KIFAP3: variants seen among roughly 807,000 people sequenced by gnomAD.
KIFAP3 encodes kinesin associated protein 3.
Under a neutral mutation model 106.5 loss-of-function variants are expected in KIFAP3, and 68 were observed. The ratio of observed to expected loss-of-function variants is 0.64; its 90% CI spans 0.53 to 0.78. KIFAP3 has a LOEUF of 0.78. Among genes scored for constraint, KIFAP3 ranks in the 30% least tolerant of loss-of-function variants. The pLI, the probability that KIFAP3 is intolerant of heterozygous loss-of-function variation, is 0.00. For synonymous variants in KIFAP3, 320 were observed against 311.5 expected (o/e 1.03, Z -0.29); for missense variants, 780 against 941.8 (o/e 0.83, Z 2.25).
At chr1:170,035,809 G>T (rs532279105) in intron 5 of KIFAP3, among the ~76,000 whole-genome samples, 11 of 152,104 alleles carry the variant, frequency 7.2e-5, no homozygotes, top group African/African-American at 2.6e-4. Context: ...AGTGACATAT[G>T]TTATGGTGAC....
intron 19 of KIFAP3, among the ~76,000 whole-genome samples, chr1:169,933,785 CTAACT>C (rs1663630133): frequency 6.6e-6 from 1 of 152,082 alleles, no homozygotes; most frequent in Non-Finnish European, 1.5e-5. Flanking sequence ...TTCACCCAAA[CTAACT>C]TAAGTACAAA....
At chr1:169,940,977 A>T (rs1390463705) in intron 19 of KIFAP3, among the ~76,000 whole-genome samples, 1 of 151,834 alleles carries the variant, frequency 6.6e-6, no homozygotes, top group Admixed American at 6.6e-5. Context: ...AAAACTGAAG[A>T]AAACAATGTT....
At chr1:170,053,307 G>C (rs1404622943) in intron 2 of KIFAP3, among the ~76,000 whole-genome samples, 1 of 151,968 alleles carries the variant, frequency 6.6e-6, no homozygotes, top group African/African-American at 2.4e-5. Flanking sequence ...GGACCTCTTC[G>C]AGGAGAACTA....
Position 170,074,651 on chromosome 1 carries a change from G to C in KIFAP3, c.-184C>G. ...GCCTCCAGCTCCTCCCACAGCTTCT[G>C]TGCCCCAAAACACTGGAGCGGCCCA... On this transcript the variant is annotated 5_prime_UTR_variant, in exon 1 of 20. Transcript: ENST00000361580. 1.4e-6 allele frequency: 2 copies of C among 1,462,100 alleles called. No homozygotes were observed. Among genetic ancestry groups the C allele is most frequent in the Admixed American group, 4.8e-5 (2 of 41,386 alleles). 90.6% of individuals were successfully genotyped at this position (1,462,100 alleles called of 1,614,324 possible).
chr1:169,937,937 C>T (rs1040750487), intron 19 of KIFAP3, among the ~76,000 whole-genome samples: 3 of 151,852 alleles, frequency 2.0e-5, no homozygotes, highest in Admixed American at 2.0e-4. Context: ...AAAAATATAA[C>T]TCCAAGAAAA....
At chr1:170,046,162 C>G (rs1309486253) in intron 3 of KIFAP3, among the ~76,000 whole-genome samples, 1 of 124,616 alleles carries the variant, frequency 8.0e-6, no homozygotes. Context: ...GAGGTTTTCT[C>G]TCATCTCCTA....
intron 19 of KIFAP3, among the ~76,000 whole-genome samples, chr1:169,939,117 T>C (rs1430958005): frequency 6.6e-6 from 1 of 151,950 alleles, no homozygotes; most frequent in African/African-American, 2.4e-5. Context: ...ATGGCTACTG[T>C]GGAAAAAATG....
intron 19 of KIFAP3, among the ~76,000 whole-genome samples, chr1:169,948,874 C>A (rs191138744): frequency 8.6e-5 from 13 of 152,006 alleles, no homozygotes; most frequent in African/African-American, 2.9e-4. Context: ...GTAAACACTG[C>A]ACAATGCCTT....
At chr1:170,066,768 A>G (rs944854265) in intron 1 of KIFAP3, among the ~76,000 whole-genome samples, 1 of 152,172 alleles carries the variant, frequency 6.6e-6, no homozygotes, top group Admixed American at 6.5e-5. Flanking sequence ...ACCTCCTAGG[A>G]GTAACTGTGA....
intron 3 of KIFAP3, among the ~76,000 whole-genome samples, chr1:170,046,154 G>A (rs1670235859): frequency 7.7e-6 from 1 of 130,336 alleles, no homozygotes; most frequent in African/African-American, 2.9e-5. Context: ...ATGGATTTGA[G>A]GTTTTCTCTC....
At chr1:170,009,742 C>T (rs1668151083) in intron 10 of KIFAP3, among the ~76,000 whole-genome samples, 1 of 152,100 alleles carries the variant, frequency 6.6e-6, no homozygotes, top group African/African-American at 2.4e-5. Flanking sequence ...CAAGGAATTT[C>T]CTTGCCATCT....
chr1:170,069,831 T>TG (rs1671615631), intron 1 of KIFAP3, among the ~76,000 whole-genome samples: 5 of 61,784 alleles, frequency 8.1e-5, no homozygotes, highest in South Asian at 1.5e-3. Context: ...CAATGAGGCA[T>TG]GGGAAAAAAA....
intron 16 of KIFAP3, among the ~76,000 whole-genome samples, 199 bp from the exon 17 acceptor site, chr1:169,972,797 A>G (rs1665987110): frequency 1.3e-5 from 2 of 151,698 alleles, no homozygotes; most frequent in Admixed American, 6.6e-5. Flanking sequence ...TAGGGACATA[A>G]AAAAGAGAAA....
chr1:169,937,485 C>T (rs1398416884), intron 19 of KIFAP3, among the ~76,000 whole-genome samples: 2 of 151,718 alleles, frequency 1.3e-5, no homozygotes, highest in Non-Finnish European at 3.0e-5. Context: ...TTAGTTATAA[C>T]CTGGTAATAG....
chr1:169,977,495 T>G (rs1304359040), intron 16 of KIFAP3, among the ~76,000 whole-genome samples: 1 of 152,124 alleles, frequency 6.6e-6, no homozygotes, highest in Non-Finnish European at 1.5e-5. Context: ...GGTACCTCAT[T>G]GTATCCTAGG....
chr1:169,992,106 A>AAT, intron 11 of KIFAP3, 49 bp downstream of exon 11: 2 of 890,770 alleles, frequency 2.2e-6, no homozygotes, highest in African/African-American at 1.8e-5. Context: ...AAGAGTAAAA[A>AAT]ATATATATAT....
chr1:170,061,401 C>T (rs1671146341), intron 1 of KIFAP3, among the ~76,000 whole-genome samples: 1 of 152,134 alleles, frequency 6.6e-6, no homozygotes, highest in Non-Finnish European at 1.5e-5. Flanking sequence ...AGCCAAAAGA[C>T]ACATGAAAAA....
intron 9 of KIFAP3, among the ~76,000 whole-genome samples, chr1:170,019,831 C>G (rs1284451312): frequency 6.6e-6 from 1 of 152,056 alleles, no homozygotes; most frequent in Non-Finnish European, 1.5e-5. Context: ...GAGGGCATAC[C>G]CAGTGCAATA....
chr1:170,046,872 A>C lies in KIFAP3; in HGVS notation c.165-6T>G, dbSNP rs1284298398. 2 of 1,572,214 alleles carry C rather than the reference A, an allele frequency of 1.3e-6. No individual in the cohort carries two copies. The highest frequency in any genetic ancestry group is 1.7e-6 in the Non-Finnish European group (2 of 1,159,608). ...TGAGACTCTTAAGTCGAATGCTGTA[A>C]GTATAACAGAATTTTTCAACTCACG... On this transcript the variant is annotated splice_region_variant and splice_polypyrimidine_tract_variant and intron_variant, in intron 2 of 19. Coordinates refer to ENST00000361580, the MANE Select transcript of KIFAP3 (RefSeq NM_014970.4).
Sources: gnomAD v4.1 joint callset for allele counts (sites outside exome capture counted in the v4.1 genomes callset) on GRCh38, gnomAD v4.1.1 for gene constraint, MANE v1.5 for transcripts, NCBI Gene and HGNC (gene_info 2026-07-23, HGNC 2026-07-21) for gene names.